Variants in ZNF704 observed in about 807,000 individuals in gnomAD.
ZNF704 encodes glucocorticoid induced gene 1.
Under a neutral mutation model 44.7 loss-of-function variants are expected in ZNF704, and 10 were observed. The ratio of observed to expected loss-of-function variants is 0.22; its 90% confidence interval spans 0.14 to 0.38. The LOEUF (loss-of-function observed/expected upper bound fraction) is 0.38. Ranked by LOEUF, ZNF704 falls within the 10% of genes least tolerant of loss-of-function variation. The pLI is 1.00. For synonymous variants in ZNF704, 211 were observed against 207.6 expected (o/e 1.02, Z -0.14); for missense variants, 390 against 545.5 (o/e 0.71, Z 2.84).
At chr8:80,859,292 G>A (rs994148068) in intron 1 of ZNF704, among the ~76,000 whole-genome samples, 1 of 152,160 alleles carries the variant, frequency 6.6e-6, no homozygotes, top group Non-Finnish European at 1.5e-5. Flanking sequence ...CAGACTGCTA[G>A]ACTCAAAAAG....
Position 80,636,796 on chromosome 8 carries a change from G to A in ZNF704, c.*4570C>T, listed in dbSNP as rs1488652765. 1.3e-5 allele frequency: 2 copies of A among 152,212 alleles called. No homozygotes were observed. The highest frequency in any genetic ancestry group is 4.8e-5 in the African/African-American group (2 of 41,446). 9.4% of individuals were successfully genotyped at this position (152,212 alleles called of 1,614,324 possible). ...CACACAGGTCAGTGCTACAGAAGAT[G>A]TGGTCGATAGCAATTCTACAGGGTC... is the stretch of plus-strand genomic sequence containing the variant. On this transcript the variant is annotated 3_prime_UTR_variant, in exon 9 of 9. Transcript: ENST00000327835.
intron 1 of ZNF704, among the ~76,000 whole-genome samples, chr8:80,851,307 A>G (rs1808859298): frequency 6.6e-6 from 1 of 152,174 alleles, no homozygotes; most frequent in Non-Finnish European, 1.5e-5. Flanking sequence ...AATAGCAAAG[A>G]CTTGGAACCA....
upstream of ZNF704, chr8:80,874,830 A>T (rs1412595375): frequency 6.6e-6 from 1 of 152,332 alleles, no homozygotes; most frequent in East Asian, 1.9e-4. The surrounding 1 kb of genome is among the most constrained non-coding windows in gnomAD (Gnocchi z 4.4). Flanking sequence ...AATTCCTAAT[A>T]TGAATCATCA....
chr8:80,849,658 G>A (rs1211531710), intron 1 of ZNF704, among the ~76,000 whole-genome samples: 1 of 152,180 alleles, frequency 6.6e-6, no homozygotes, highest in Non-Finnish European at 1.5e-5. Context: ...ACATCAGGCT[G>A]ACTCAATTTG....
intron 2 of ZNF704, among the ~76,000 whole-genome samples, chr8:80,752,151 T>A (rs1806954819): frequency 6.6e-6 from 1 of 152,218 alleles, no homozygotes; most frequent in African/African-American, 2.4e-5. Flanking sequence ...AGTTTAATTA[T>A]TCAATGTTAA....
At chr8:80,744,779 T>C (rs1455842540) in intron 2 of ZNF704, among the ~76,000 whole-genome samples, 3 of 152,284 alleles carry the variant, frequency 2.0e-5, no homozygotes, top group South Asian at 2.1e-4. Flanking sequence ...GAGACACACA[T>C]GAACTAACCA....
intron 8 of ZNF704, 51 bp downstream of exon 8, chr8:80,642,984 A>G (rs770226105): frequency 1.1e-5 from 14 of 1,260,032 alleles, no homozygotes; most frequent in African/African-American, 9.2e-5. Context: ...GTTCTGTTTT[A>G]CAGTTAATTC....
At chr8:80,880,007 G>A in the ZNF704 span, among the ~76,000 whole-genome samples, 273 of 152,266 alleles carry the variant, frequency 1.8e-3, 1 homozygote, top group African/African-American at 6.3e-3. Context: ...TAGATGTGGG[G>A]CTTTAAGTGA....
chr8:80,880,104 G>A, the ZNF704 span, among the ~76,000 whole-genome samples: 1 of 152,298 alleles, frequency 6.6e-6, no homozygotes, highest in South Asian at 2.1e-4. Flanking sequence ...CTCTCAGAGT[G>A]TGTGTGAAAC....
chr8:80,787,669 C>T (rs1807638297), intron 2 of ZNF704, among the ~76,000 whole-genome samples: 1 of 152,018 alleles, frequency 6.6e-6, no homozygotes, highest in African/African-American at 2.4e-5. Context: ...TTTACCCCTT[C>T]CCAGTATATT....
chr8:80,720,222 C>T (rs201610141), intron 2 of ZNF704, among the ~76,000 whole-genome samples: 17 of 152,296 alleles, frequency 1.1e-4, no homozygotes, highest in East Asian at 9.6e-4. Flanking sequence ...CTCCCTTGTA[C>T]GGAGATTTAT....
chr8:80,648,493 A>C (rs1817866423), intron 7 of ZNF704, among the ~76,000 whole-genome samples: 1 of 152,246 alleles, frequency 6.6e-6, no homozygotes, highest in Admixed American at 6.5e-5. Flanking sequence ...GGGGCAGTCA[A>C]CTACCATTTA....
intron 2 of ZNF704, among the ~76,000 whole-genome samples, chr8:80,698,191 T>C (rs1205617937): frequency 6.6e-6 from 1 of 152,214 alleles, no homozygotes; most frequent in African/African-American, 2.4e-5. Flanking sequence ...CTGCGGTCTA[T>C]TGGAGAACTA....
At chr8:80,810,159 C>T (rs1435854673) in intron 2 of ZNF704, among the ~76,000 whole-genome samples, 1 of 152,206 alleles carries the variant, frequency 6.6e-6, no homozygotes, top group Non-Finnish European at 1.5e-5. Flanking sequence ...CTCATGCCCA[C>T]AGGGTACCAG....
intron 6 of ZNF704, 67 bp from the exon 7 acceptor site, chr8:80,659,756 T>A (rs1585929964): frequency 7.0e-7 from 1 of 1,437,874 alleles, no homozygotes; most frequent in Non-Finnish European, 9.8e-7. Flanking sequence ...TAAGCTCTTA[T>A]TACCAAAGGA....
intron 1 of ZNF704, among the ~76,000 whole-genome samples, chr8:80,855,361 A>T (rs1207070595): frequency 7.2e-6 from 1 of 139,084 alleles, no homozygotes; most frequent in Non-Finnish European, 1.6e-5. Flanking sequence ...ATCTTTGCTT[A>T]AGATATGGAA....
chr8:80,865,571 A>C (rs1378575117), intron 1 of ZNF704, among the ~76,000 whole-genome samples: 2 of 152,244 alleles, frequency 1.3e-5, no homozygotes, highest in African/African-American at 4.8e-5. Context: ...AACCTTTTAA[A>C]ACACTGGGTT....
At chr8:80,861,711 C>G (rs1490863635) in intron 1 of ZNF704, among the ~76,000 whole-genome samples, 1 of 151,890 alleles carries the variant, frequency 6.6e-6, no homozygotes, top group Non-Finnish European at 1.5e-5. Flanking sequence ...TATGCTCCCT[C>G]AATCCCATCA....
chr8:80,810,251 G>A (rs1808060797), intron 2 of ZNF704, among the ~76,000 whole-genome samples: 1 of 152,084 alleles, frequency 6.6e-6, no homozygotes, highest in African/African-American at 2.4e-5. Flanking sequence ...AATTCTAAAA[G>A]TATTCCAAGT....
Sources: gnomAD v4.1 joint callset for allele counts (sites outside exome capture counted in the v4.1 genomes callset) on GRCh38, gnomAD v4.1.1 for gene constraint, Gnocchi (gnomAD v3.1) non-coding constraint, MANE v1.5 for transcripts, NCBI Gene and HGNC (gene_info 2026-07-23, HGNC 2026-07-21) for gene names.